Variants in CYB5RL observed in about 807,000 individuals in gnomAD.
The protein encoded by CYB5RL is NADH-cytochrome b5 reductase-like.
A neutral mutation model predicts 37.5 loss-of-function variants in CYB5RL; 38 were observed. The ratio of observed to expected loss-of-function variants is 1.01; its 90% CI spans 0.78 to 1.33. CYB5RL has a LOEUF of 1.33. Among genes scored for constraint, CYB5RL ranks in the 40% most tolerant of loss-of-function variants. The pLI, the probability that CYB5RL is intolerant of heterozygous loss-of-function variation, is 0.00. For missense variants in CYB5RL, 388 were observed against 394.4 expected (o/e 0.98, Z 0.14); for synonymous variants, 141 against 151.9 (o/e 0.93, Z 0.53).
At chr1:54,197,184 G>A (rs181689112) in intron 1 of CYB5RL, among the ~76,000 whole-genome samples, 1 of 152,290 alleles carries the variant, frequency 6.6e-6, no homozygotes, top group Non-Finnish European at 1.5e-5. Context: ...GAGATGGAGG[G>A]ACAGTGAAGA....
chr1:54,181,157 G>A (rs1367691681), intron 6 of CYB5RL, among the ~76,000 whole-genome samples: 1 of 152,218 alleles, frequency 6.6e-6, no homozygotes, highest in African/African-American at 2.4e-5. Flanking sequence ...CCTTCAGCTT[G>A]CCATGCTCCT....
chr1:54,182,034 G>T (rs1660172725), intron 6 of CYB5RL, among the ~76,000 whole-genome samples: 1 of 152,174 alleles, frequency 6.6e-6, no homozygotes, highest in African/African-American at 2.4e-5. Flanking sequence ...GCATTGGGAG[G>T]CTCCACCAGA....
rs1240557546 is a variant in CYB5RL at position 54,171,334 on chromosome 1, A to G, written c.*3285T>C. 1 of 456,306 alleles carries G rather than the reference A, an allele frequency of 2.2e-6. No individual in the cohort carries two copies. Among genetic ancestry groups the G allele is most frequent in the Non-Finnish European group, 4.4e-6 (1 of 226,824 alleles). 28.3% of individuals were successfully genotyped at this position (456,306 alleles called of 1,614,324 possible). A position where few individuals can be genotyped will look rare whatever the true frequency, so the allele number is the denominator to read the frequency against. On this transcript the variant is annotated 3_prime_UTR_variant, in exon 8 of 8. Coordinates refer to ENST00000534324, the MANE Select transcript of CYB5RL (RefSeq NM_001031672.4). Reference sequence around the variant, plus strand: ...AAAGTCTGGAGAGGTGGCAGAGCAGAGAGGCCCTACCCCAAGGCCACAGGG... The same window carrying G: ...AAAGTCTGGAGAGGTGGCAGAGCAGGGAGGCCCTACCCCAAGGCCACAGGG...
At chr1:54,195,828 C>G in intron 2 of CYB5RL, 113 bp from the exon 3 acceptor site, 1 of 478,346 alleles carries the variant, frequency 2.1e-6, no homozygotes, top group Non-Finnish European at 3.6e-6. Context: ...ATGGATCAGC[C>G]AAGGAGTGTG....
intron 1 of CYB5RL, among the ~76,000 whole-genome samples, chr1:54,197,884 C>T (rs1644023556): frequency 6.6e-6 from 1 of 151,610 alleles, no homozygotes; most frequent in Admixed American, 6.6e-5. Context: ...AAAAATTAGC[C>T]GGGCATGGTG....
chr1:54,193,330 A>G (rs899058679), intron 3 of CYB5RL, among the ~76,000 whole-genome samples: 6 of 152,214 alleles, frequency 3.9e-5, no homozygotes, highest in Non-Finnish European at 8.8e-5. Context: ...CGATATACAC[A>G]TAAGAGTACA....
chr1:54,192,242 T>C (rs551543333), intron 3 of CYB5RL, among the ~76,000 whole-genome samples: 1 of 147,600 alleles, frequency 6.8e-6, no homozygotes, highest in Non-Finnish European at 1.5e-5. Flanking sequence ...TGGAGTGCAG[T>C]GGTGTGATCT....
rs539266097 is a variant in CYB5RL at position 54,171,905 on chromosome 1, C to T, written c.*2714G>A. 35 of 175,008 alleles carry T rather than the reference C, an allele frequency of 2.0e-4. No individual in the cohort carries two copies. In the South Asian group the frequency reaches 4.4e-3, roughly 22 times the overall value. The allele number at this position is 175,008 out of a possible 1,614,324, so 10.8% of individuals were successfully genotyped here. Reference sequence around the variant, plus strand: ...TCTCAAGTTTCCAGGCGACAGGAGCCCTTTAGGCTTCTTGGCACCAAGGGC... The same window carrying T: ...TCTCAAGTTTCCAGGCGACAGGAGCTCTTTAGGCTTCTTGGCACCAAGGGC... On this transcript the variant is annotated 3_prime_UTR_variant, in exon 8 of 8. Transcript: ENST00000534324.
At chr1:54,183,704 G>A (rs967467123) in intron 6 of CYB5RL, among the ~76,000 whole-genome samples, 40 of 152,244 alleles carry the variant, frequency 2.6e-4, no homozygotes, top group African/African-American at 8.4e-4. Flanking sequence ...GGCTGGGCGC[G>A]GTGGCTCACG....
rs1475975243 is a variant in CYB5RL, at chr1:54,195,537, T to A, written c.80A>T (p.Gln27Leu). The change falls in exon 3 of 8, where the codon CAG (glutamine) becomes CTG (leucine). Residue 27 changes from glutamine (Q) to leucine (L), a missense_variant. Physicochemically the swap from Gln to Leu is moderately radical, Grantham distance 113 (BLOSUM62 -2). Transcript: ENST00000534324. ...QLRPTEPLPS[Q>L]CCGSGCSPCV... ...GGGTGAGCAGCCACTGCCGCAGCAC[T>A]GGGAAGGCAAGGGTTCTGTGGGCCG... The A allele has an allele frequency of 6.2e-7, 1 of 1,613,774 alleles. No individual in the cohort carries two copies. The highest frequency in any genetic ancestry group is 8.5e-7 in the Non-Finnish European group (1 of 1,179,770).
chr1:54,175,501 A>G (rs1398729115), intron 7 of CYB5RL: 1 of 307,054 alleles, frequency 3.3e-6, no homozygotes, highest in Non-Finnish European at 6.7e-6. Context: ...CAGGGTCACA[A>G]AATGAAGGCT....
At chr1:54,175,597 C>G (rs751626971) in intron 7 of CYB5RL, 1 of 408,804 alleles carries the variant, frequency 2.4e-6, no homozygotes, top group Non-Finnish European at 5.0e-6. Context: ...GAAAAGTATA[C>G]AAATCATTAA....
At chr1:54,193,228 T>C (rs1643972871) in intron 3 of CYB5RL, among the ~76,000 whole-genome samples, 1 of 152,244 alleles carries the variant, frequency 6.6e-6, no homozygotes, top group Non-Finnish European at 1.5e-5. Context: ...CCAACTGTAA[T>C]GCCAGGAACT....
intron 6 of CYB5RL, chr1:54,180,325 C>CCTG: frequency 2.8e-6 from 1 of 362,228 alleles, no homozygotes; most frequent in Non-Finnish European, 5.3e-6. Context: ...GGCTCTAGGC[C>CCTG]TCTTAAAGAG....
chr1:54,179,137 C>A lies in CYB5RL; in HGVS notation c.744+12G>T, dbSNP rs1386979090. 6.2e-7 allele frequency: 1 copy of A among 1,609,646 alleles called. No homozygotes were observed. Among genetic ancestry groups the A allele is most frequent in the South Asian group, 1.1e-5 (1 of 89,660 alleles). On this transcript the variant is annotated intron_variant, in intron 7 of 7. Transcript: ENST00000534324. ...TCTCAATCAAAAAAGAAAGTCACCA[C>A]CCTGGGCTCACCTGGCTGAGTACAA...
chr1:54,195,298 G>T, intron 3 of CYB5RL, 121 bp downstream of exon 3: 1 of 1,199,196 alleles, frequency 8.3e-7, no homozygotes, highest in Non-Finnish European at 1.1e-6. Flanking sequence ...GTTTGCTTCT[G>T]TTATGCATAC....
Position 54,179,365 on chromosome 1 carries a change from A to AG in CYB5RL, c.541-14dup, listed in dbSNP as rs781519452. The AG allele has an allele frequency of 4.2e-5, 68 of 1,608,738 alleles. 1 individual carries two copies. In the East Asian group the frequency reaches 1.2e-3, roughly 29 times the overall value. On this transcript the variant is annotated splice_polypyrimidine_tract_variant and intron_variant, in intron 6 of 7. Transcript: ENST00000534324. Reference sequence around the variant, plus strand: ...GGAGCTCACCATACTGGGGAACAGAAGGGGTATGTATGACAGGTGGGTTGG... The same window carrying AG: ...GGAGCTCACCATACTGGGGAACAGAAGGGGGTATGTATGACAGGTGGGTTGG...
intron 3 of CYB5RL, among the ~76,000 whole-genome samples, 169 bp from the exon 4 acceptor site, chr1:54,191,065 T>A (rs774182628): frequency 2.0e-5 from 3 of 152,212 alleles, no homozygotes; most frequent in Admixed American, 1.3e-4. Flanking sequence ...GATCTAAGAA[T>A]GCCAGAGCGC....
chr1:54,189,539 T>G (rs548158169), intron 4 of CYB5RL, among the ~76,000 whole-genome samples: 195 of 152,278 alleles, frequency 1.3e-3, no homozygotes, highest in Non-Finnish European at 1.9e-3. Flanking sequence ...GGAGGCGATG[T>G]GGTACCTCAG....
Sources: gnomAD v4.1 joint callset for allele counts (sites outside exome capture counted in the v4.1 genomes callset) on GRCh38, gnomAD v4.1.1 for gene constraint, MANE v1.5 for transcripts, NCBI Gene and HGNC (gene_info 2026-07-23, HGNC 2026-07-21) for gene names.